The following CARMIL1 variants were observed in gnomAD, a reference collection of about 807,000 sequenced individuals.
CARMIL1 encodes capping protein regulator and myosin 1 linker 1.
CARMIL1 carries 90 observed loss-of-function variants against 177.1 expected under a neutral mutation model. The observed-to-expected ratio is 0.51, with a 90% CI of 0.43 to 0.61. CARMIL1 has a LOEUF of 0.61. Among genes scored for constraint, CARMIL1 ranks in the 20% least tolerant of loss-of-function variants. The pLI is 0.00. For missense variants in CARMIL1, 1,380 were observed against 1,667.0 expected (o/e 0.83, Z 3.00); for synonymous variants, 577 against 606.2 (o/e 0.95, Z 0.71).
intron 2 of CARMIL1, among the ~76,000 whole-genome samples, chr6:25,411,830 C>G (rs1794929393): frequency 6.6e-6 from 1 of 152,146 alleles, no homozygotes; most frequent in Non-Finnish European, 1.5e-5. Context: ...GTCCAGGGAG[C>G]AGAGATCTAA....
At position 25,563,691 on chromosome 6, in the gene CARMIL1, T is replaced by C. The variant is rs533249348; in HGVS notation, c.2742+6841T>C. 1.5e-5 allele frequency: 15 copies of C among 985,368 alleles called. No individual in the cohort carries two copies. The South Asian group carries it at 5.2e-4, about 34-fold the overall frequency. The allele number at this position is 985,368 out of a possible 1,614,324, so 61.0% of individuals were successfully genotyped here. ...CCATCATATACCAGGTATTCTTGGC[T>C]TCTTGCTAGGAATGGAAGGTGAAAG... On this transcript the variant is annotated intron_variant, in intron 29 of 36. Transcript: ENST00000329474.
chr6:25,404,294 C>G (rs1386050319), intron 2 of CARMIL1, among the ~76,000 whole-genome samples: 2 of 152,316 alleles, frequency 1.3e-5, no homozygotes, highest in Middle Eastern at 3.4e-3. Flanking sequence ...CCTTTGCTGG[C>G]TGGCCAGTCC....
intron 2 of CARMIL1, among the ~76,000 whole-genome samples, chr6:25,352,061 T>C (rs1788157585): frequency 6.6e-6 from 1 of 151,748 alleles, no homozygotes. Flanking sequence ...TGATGTTCAA[T>C]ATTTATCAAA....
At chr6:25,280,221 A>G (rs374393637) in intron 1 of CARMIL1, among the ~76,000 whole-genome samples, 2 of 150,322 alleles carry the variant, frequency 1.3e-5, no homozygotes, top group East Asian at 3.9e-4. Flanking sequence ...CACTGCCCCA[A>G]ACTCGGGAAA....
intron 12 of CARMIL1, among the ~76,000 whole-genome samples, chr6:25,486,599 C>T (rs970241391): frequency 2.4e-4 from 37 of 152,202 alleles, no homozygotes; most frequent in African/African-American, 8.9e-4. Flanking sequence ...GGAAGTTGGT[C>T]GTTTAAACAG....
intron 2 of CARMIL1, among the ~76,000 whole-genome samples, chr6:25,404,369 T>G (rs1794165631): frequency 6.6e-6 from 1 of 152,240 alleles, no homozygotes; most frequent in African/African-American, 2.4e-5. Flanking sequence ...GCAGCAGGGC[T>G]GCTTTGGGTA....
intron 2 of CARMIL1, among the ~76,000 whole-genome samples, chr6:25,348,235 C>T (rs1441958107): frequency 2.0e-5 from 3 of 152,030 alleles, no homozygotes; most frequent in East Asian, 2.0e-4. Flanking sequence ...CGGGTTCAAT[C>T]GATTCTCCTG....
intron 12 of CARMIL1, among the ~76,000 whole-genome samples, chr6:25,486,098 C>T (rs560138853): frequency 2.6e-4 from 39 of 152,296 alleles, no homozygotes; most frequent in African/African-American, 8.4e-4. Flanking sequence ...CTTTTTCCAG[C>T]TGTAAACACT....
At chr6:25,401,840 G>A (rs2150582763) in intron 2 of CARMIL1, among the ~76,000 whole-genome samples, 1 of 152,232 alleles carries the variant, frequency 6.6e-6, no homozygotes, top group Middle Eastern at 3.4e-3. Context: ...CCAGCAACTT[G>A]CCAGATCTCA....
chr6:25,528,498 C>T (rs1227709064), intron 23 of CARMIL1, among the ~76,000 whole-genome samples: 1 of 152,182 alleles, frequency 6.6e-6, no homozygotes, highest in Non-Finnish European at 1.5e-5. Flanking sequence ...GTGATGAAAA[C>T]TCACGAAGTG....
Position 25,554,113 on chromosome 6 carries a change from T to C in CARMIL1, c.2592+17T>C, listed in dbSNP as rs1017992840. ...CATAAACTGGTGAGTGCTGTGCACA[T>C]CTTGAGCAGGACCTCCTGTTTCAGC... is the stretch of plus-strand genomic sequence containing the variant. On this transcript the variant is annotated intron_variant, in intron 28 of 36. Transcript: ENST00000329474. This position sits in a 1 kb window ranked among gnomAD's most constrained non-coding sequence, Gnocchi z 4.6. The C allele has an allele frequency of 1.9e-5, 30 of 1,554,506 alleles. No individual in the cohort carries two copies. Among genetic ancestry groups the C allele is most frequent in the Non-Finnish European group, 2.5e-5 (28 of 1,140,314 alleles).
intron 28 of CARMIL1, among the ~76,000 whole-genome samples, chr6:25,555,882 A>G (rs1810566743): frequency 6.6e-6 from 1 of 152,172 alleles, no homozygotes. Flanking sequence ...TTTCTTAAAG[A>G]ATTTACTCAG....
chr6:25,529,755 C>CAAAAAAAAAAAAAAAAAAAAAAAAAAAA (rs70977217), intron 24 of CARMIL1, among the ~76,000 whole-genome samples: 1 of 33,552 alleles, frequency 3.0e-5, no homozygotes, highest in African/African-American at 9.4e-5. Context: ...ACTCCGTCTC[C>CAAAAAAAAAAAAAAAAAAAAAAAAAAAA]AAAAAAAAAA....
At chr6:25,591,076 G>A (rs1012613143) in intron 31 of CARMIL1, among the ~76,000 whole-genome samples, 1 of 152,042 alleles carries the variant, frequency 6.6e-6, no homozygotes, top group Admixed American at 6.6e-5. Context: ...AGCACTCCTT[G>A]GTATATCTGT....
At chr6:25,414,027 A>G (rs1215843407) in intron 2 of CARMIL1, among the ~76,000 whole-genome samples, 1 of 152,220 alleles carries the variant, frequency 6.6e-6, no homozygotes, top group Non-Finnish European at 1.5e-5. Context: ...AAGTTATAAG[A>G]AGAGCTGGTG....
intron 11 of CARMIL1, 110 bp downstream of exon 11, chr6:25,472,631 C>A: frequency 1.2e-6 from 1 of 819,618 alleles, no homozygotes; most frequent in South Asian, 1.7e-5. Flanking sequence ...ATTATAAGTG[C>A]TGTTAATGGT....
chr6:25,312,428 G>A (rs1783907230), intron 2 of CARMIL1, among the ~76,000 whole-genome samples: 1 of 151,804 alleles, frequency 6.6e-6, no homozygotes. Flanking sequence ...TTTTCTTCTG[G>A]GAAAATAGCC....
intron 32 of CARMIL1, 72 bp from the exon 33 acceptor site, chr6:25,600,242 T>C: frequency 1.4e-6 from 2 of 1,394,084 alleles, no homozygotes; most frequent in Non-Finnish European, 2.0e-6. Flanking sequence ...TCCATATTTA[T>C]ATTTTGACTG....
intron 2 of CARMIL1, among the ~76,000 whole-genome samples, chr6:25,318,039 G>C (rs2150229838): frequency 6.6e-6 from 1 of 152,266 alleles, no homozygotes; most frequent in East Asian, 1.9e-4. Context: ...TTATGAACTT[G>C]ACCTTGTGTG....
Sources: gnomAD v4.1 joint callset for allele counts (sites outside exome capture counted in the v4.1 genomes callset) on GRCh38, gnomAD v4.1.1 for gene constraint, Gnocchi (gnomAD v3.1) non-coding constraint, MANE v1.5 for transcripts, NCBI Gene and HGNC (gene_info 2026-07-23, HGNC 2026-07-21) for gene names.